The following USP6NL variants were observed in gnomAD, a reference collection of about 807,000 sequenced individuals.
USP6NL encodes USP6 N-terminal-like protein.
A neutral mutation model predicts 61.9 loss-of-function variants in USP6NL; 26 were observed. The ratio of observed to expected loss-of-function variants is 0.42; its 90% CI spans 0.31 to 0.58. The LOEUF (loss-of-function observed/expected upper bound fraction) is 0.58, where lower values mean the gene tolerates loss of function less well. USP6NL is among the 20% of genes least tolerant of loss of function. USP6NL has a pLI of 0.16. For synonymous variants in USP6NL, 432 were observed against 390.1 expected, an observed-to-expected ratio of 1.11 and a Z score of -1.27; for missense variants, 1,114 against 1,034.3, an observed-to-expected ratio of 1.08 and a Z score of -1.06.
intron 6 of USP6NL, among the ~76,000 whole-genome samples, chr10:11,504,663 G>C (rs1834358983): frequency 6.6e-6 from 1 of 152,216 alleles, no homozygotes; most frequent in African/African-American, 2.4e-5. Flanking sequence ...AACTTGTAAT[G>C]AATGCCCGCT....
At chr10:11,564,275 T>C (rs950763236) in intron 2 of USP6NL, 3 of 152,216 alleles carry the variant, frequency 2.0e-5, no homozygotes, top group Non-Finnish European at 2.9e-5. Context: ...TATATCAAGA[T>C]AGTGCTATAA....
At chr10:11,594,597 C>A (rs1457865888) in intron 2 of USP6NL, among the ~76,000 whole-genome samples, 1 of 152,204 alleles carries the variant, frequency 6.6e-6, no homozygotes, top group East Asian at 1.9e-4. Context: ...GTTCAATTCA[C>A]TAGCAACACC....
chr10:11,518,619 C>T lies in USP6NL; in HGVS notation c.156-45G>A. The T allele has an allele frequency of 6.6e-7, 1 of 1,514,908 alleles. No individual in the cohort carries two copies. The highest frequency in any genetic ancestry group is 2.3e-5 in the East Asian group (1 of 44,276). The allele number at this position is 1,514,908 out of a possible 1,614,324, so 93.8% of individuals were successfully genotyped here. ...TTATATGAAATTGTTGAAATCAAAA[C>T]AAACTTTTAAAAGCTTATATACTTA... On this transcript the variant is annotated intron_variant, in intron 4 of 14. Coordinates refer to ENST00000609104, the MANE Select transcript of USP6NL (RefSeq NM_014688.5). This position sits in a 1 kb window ranked among gnomAD's most constrained non-coding sequence, Gnocchi z 5.3.
At chr10:11,530,736 A>G (rs1036300036) in intron 2 of USP6NL, among the ~76,000 whole-genome samples, 1 of 152,232 alleles carries the variant, frequency 6.6e-6, no homozygotes, top group South Asian at 2.1e-4. Context: ...TGAAAATGTT[A>G]ATCTTTGCCA....
In USP6NL at chr10:11,595,977, T is replaced by C. The variant is rs1009404699; in HGVS notation, c.4+1654A>G. Among the ~76,000 whole-genome samples the C allele has an allele frequency of 6.6e-6, 1 of 152,216 alleles. No homozygotes were observed. Among genetic ancestry groups the C allele is most frequent in the African/African-American group, 2.4e-5 (1 of 41,454 alleles). On this transcript the variant is annotated intron_variant, in intron 2 of 14. Transcript: ENST00000609104. This position sits in a 1 kb window ranked among gnomAD's most constrained non-coding sequence, Gnocchi z 5.3. ...TGTTATGTGGTTCAAACACTATTAG[T>C]TGCTTGGCAAGCCATTCCTCCCCTC...
chr10:11,554,526 C>T (rs1395360472), intron 2 of USP6NL, among the ~76,000 whole-genome samples: 1 of 152,130 alleles, frequency 6.6e-6, no homozygotes, highest in Non-Finnish European at 1.5e-5. Context: ...CCAGCTCAGG[C>T]CCCTGAATGA....
At chr10:11,539,667 G>A (rs539024087) in intron 2 of USP6NL, among the ~76,000 whole-genome samples, 7 of 152,300 alleles carry the variant, frequency 4.6e-5, no homozygotes, top group South Asian at 2.1e-4. Flanking sequence ...ACTTCAACCC[G>A]CCTACAGTTG....
At position 11,489,361 on chromosome 10, in the gene USP6NL, A is replaced by AGTATTTGT; in HGVS notation, c.544-140_544-139insACAAATAC. On this transcript the variant is annotated intron_variant, in intron 9 of 14. Transcript: ENST00000609104. This position sits in a 1 kb window ranked among gnomAD's most constrained non-coding sequence, Gnocchi z 5.7. Reference sequence around the variant, plus strand: ...GGTCCATTCTAGAGACAAATACTATACTCTTTACAGTATTATGCCACATAA... The same window carrying AGTATTTGT: ...GGTCCATTCTAGAGACAAATACTATAGTATTTGTCTCTTTACAGTATTATGCCACATAA... 2 of 1,109,096 alleles carry AGTATTTGT rather than the reference A, an allele frequency of 1.8e-6. No individual in the cohort carries two copies. Among genetic ancestry groups the AGTATTTGT allele is most frequent in the Non-Finnish European group, 1.2e-6 (1 of 807,794 alleles). 68.7% of individuals were successfully genotyped at this position (1,109,096 alleles called of 1,614,324 possible).
chr10:11,508,814 T>C (rs947388778), intron 6 of USP6NL, among the ~76,000 whole-genome samples: 11 of 152,334 alleles, frequency 7.2e-5, no homozygotes, highest in Admixed American at 2.0e-4. Flanking sequence ...CTGTTATTAC[T>C]TGAAAGAATA....
In USP6NL at chr10:11,597,623, G is replaced by A. The variant is rs976470178; in HGVS notation, c.4+8C>T. 2.9e-5 allele frequency: 45 copies of A among 1,551,330 alleles called. No individual in the cohort carries two copies. The highest frequency in any genetic ancestry group is 7.3e-5 in the East Asian group (3 of 40,922). ...GATGGCTGGAAGGAAAGGAAGCAGC[G>A]CACTTACTCATGACTGGAAATGGGT... is the stretch of plus-strand genomic sequence containing the variant. On this transcript the variant is annotated splice_region_variant and intron_variant, in intron 2 of 14. Coordinates refer to ENST00000609104, the MANE Select transcript of USP6NL (RefSeq NM_014688.5). The surrounding 1 kb of genome is among the most constrained non-coding windows in gnomAD (Gnocchi z 4.6).
rs947988953 is a variant in USP6NL at position 11,553,481 on chromosome 10, A to C, written c.5-25914T>G. On this transcript the variant is annotated intron_variant, in intron 2 of 14. Coordinates refer to ENST00000609104, the MANE Select transcript of USP6NL (RefSeq NM_014688.5). This position sits in a 1 kb window ranked among gnomAD's most constrained non-coding sequence, Gnocchi z 4.8. ...TCAGGTGACCTGTTATGTATGCCAA[A>C]ACTAAATAAAAGGCTGAAAATCAAT... Among the ~76,000 whole-genome samples the C allele has an allele frequency of 2.0e-5, 3 of 152,220 alleles. No homozygotes were observed. Among genetic ancestry groups the C allele is most frequent in the African/African-American group, 7.2e-5 (3 of 41,460 alleles).
rs1016033326 is a variant in USP6NL, at chr10:11,460,882, T to G, written c.*1559A>C. The G allele has an allele frequency of 6.6e-6, 1 of 152,376 alleles. No individual in the cohort carries two copies. The highest frequency in any genetic ancestry group is 1.5e-5 in the Non-Finnish European group (1 of 68,016). The allele number at this position is 152,376 out of a possible 1,614,324, so 9.4% of individuals were successfully genotyped here. A position where few individuals can be genotyped will look rare whatever the true frequency, so the allele number is the denominator to read the frequency against. The stretch of plus-strand genomic sequence containing the variant: ...CACCAGAATTTTGTTTGCGTTTCAA[T>G]GTAGTGTTTAGCTTTAATACACTGC... On this transcript the variant is annotated 3_prime_UTR_variant, in exon 15 of 15. Transcript: ENST00000609104.
At chr10:11,521,286 T>A (rs72777665) in intron 4 of USP6NL, among the ~76,000 whole-genome samples, 6,408 of 148,350 alleles carry the variant, frequency 0.043, 196 homozygotes, top group Non-Finnish European at 0.069. Flanking sequence ...TTCTCAAGCC[T>A]TTGTAATCAA....
intron 2 of USP6NL, among the ~76,000 whole-genome samples, chr10:11,571,454 G>C (rs962239170): frequency 6.6e-5 from 10 of 151,982 alleles, no homozygotes; most frequent in Non-Finnish European, 1.5e-4. Context: ...GCATACCAAG[G>C]AAAACTATTT....
intron 13 of USP6NL, 143 bp downstream of exon 13, chr10:11,484,825 TTGA>T (rs1420713697): frequency 3.4e-6 from 2 of 580,402 alleles, no homozygotes; most frequent in Admixed American, 3.7e-5. Context: ...ACATTACCAA[TTGA>T]TGATAATTTC....
At chr10:11,527,819 C>T (rs1356575380) in intron 2 of USP6NL, among the ~76,000 whole-genome samples, 1 of 152,052 alleles carries the variant, frequency 6.6e-6, no homozygotes, top group Admixed American at 6.5e-5. Context: ...CTTCATGAAT[C>T]AATTTCGGAT....
chr10:11,526,321 T>A (rs1034996635), intron 3 of USP6NL, among the ~76,000 whole-genome samples: 1 of 152,170 alleles, frequency 6.6e-6, no homozygotes, highest in African/African-American at 2.4e-5. Context: ...TCTGTCTGCT[T>A]GTGTGTTCTC....
chr10:11,593,860 T>C (rs1838235704), intron 2 of USP6NL, among the ~76,000 whole-genome samples: 1 of 152,180 alleles, frequency 6.6e-6, no homozygotes, highest in African/African-American at 2.4e-5. Context: ...CTTCAGTTTA[T>C]CCCACGTGAT....
chr10:11,482,022 A>G lies in USP6NL; in HGVS notation c.926-100T>C, dbSNP rs1833219852. The stretch of plus-strand genomic sequence containing the variant: ...GGTGTAGTGTAAAAGGGCATTAAAA[A>G]GGGCGCAAGCAGCATACAACTTACA... On this transcript the variant is annotated intron_variant, in intron 13 of 14. Transcript: ENST00000609104. The surrounding 1 kb of genome is among the most constrained non-coding windows in gnomAD (Gnocchi z 4.0). 3.2e-6 allele frequency: 4 copies of G among 1,247,568 alleles called. No homozygotes were observed. Among genetic ancestry groups the G allele is most frequent in the Middle Eastern group, 2.9e-4 (1 of 3,506 alleles). 77.3% of individuals were successfully genotyped at this position (1,247,568 alleles called of 1,614,324 possible). A position where few individuals can be genotyped will look rare whatever the true frequency, so the allele number is the denominator to read the frequency against.
Sources: gnomAD v4.1 joint callset for allele counts (sites outside exome capture counted in the v4.1 genomes callset) on GRCh38, gnomAD v4.1.1 for gene constraint, Gnocchi (gnomAD v3.1) non-coding constraint, MANE v1.5 for transcripts, NCBI Gene and HGNC (gene_info 2026-07-23, HGNC 2026-07-21) for gene names.